Variants in STAC observed in about 807,000 individuals in gnomAD.
STAC encodes the protein SH3 and cysteine-rich domain-containing protein.
A neutral mutation model predicts 48.8 loss-of-function variants in STAC; 43 were observed. That is an observed-to-expected ratio of 0.88 (90% CI 0.69 to 1.14). The LOEUF (loss-of-function observed/expected upper bound fraction) is 1.14, where lower values mean the gene tolerates loss of function less well. Ranked by LOEUF, STAC falls within the 50% of genes most tolerant of loss-of-function variation. The pLI is 0.00. For missense variants in STAC, 497 were observed against 504.0 expected, an observed-to-expected ratio of 0.99 and a Z score of 0.13; for synonymous variants, 193 against 179.5, an observed-to-expected ratio of 1.07 and a Z score of -0.60.
intron 2 of STAC, among the ~76,000 whole-genome samples, chr3:36,463,006 GA>G (rs561690720): frequency 1.3e-5 from 2 of 151,580 alleles, no homozygotes; most frequent in South Asian, 2.1e-4. Context: ...GCATTCCTGG[GA>G]AAAAAAACCT....
intron 7 of STAC, among the ~76,000 whole-genome samples, chr3:36,504,674 T>C (rs1044668601): frequency 1.3e-5 from 2 of 152,152 alleles, no homozygotes; most frequent in Non-Finnish European, 2.9e-5. Flanking sequence ...GCACCTTTTG[T>C]TTCTGTTATA....
At chr3:36,455,100 T>C (rs903282047) in intron 2 of STAC, among the ~76,000 whole-genome samples, 2 of 152,188 alleles carry the variant, frequency 1.3e-5, no homozygotes, top group African/African-American at 4.8e-5. Context: ...TTTAAGGTGG[T>C]CTTTTGTTAT....
chr3:36,386,661 A>C (rs9870276), intron 1 of STAC, among the ~76,000 whole-genome samples: 1,553 of 152,102 alleles, frequency 0.01, 28 homozygotes, highest in African/African-American at 0.036. Context: ...ATTCATTTTG[A>C]CTATGCCACT....
At chr3:36,510,292 AGTCAGGAAACAACAGATGCT>A (rs1329491516) in intron 8 of STAC, among the ~76,000 whole-genome samples, 2 of 152,208 alleles carry the variant, frequency 1.3e-5, no homozygotes, top group Non-Finnish European at 2.9e-5. Flanking sequence ...ATCATTAAAA[AGTCAGGAAACAACAGATGCT>A]GGAGAGGATG....
chr3:36,408,326 C>T (rs1252928943), intron 1 of STAC, among the ~76,000 whole-genome samples: 1 of 152,194 alleles, frequency 6.6e-6, no homozygotes, highest in African/African-American at 2.4e-5. Flanking sequence ...TCTTTCTGCT[C>T]ATCTCCTCCT....
intron 10 of STAC, among the ~76,000 whole-genome samples, chr3:36,544,470 A>T (rs368291878): frequency 3.3e-5 from 5 of 151,910 alleles, no homozygotes; most frequent in African/African-American, 1.2e-4. Context: ...GCACCCGGCC[A>T]GGTGTCTGCA....
At chr3:36,467,539 C>G (rs954216986) in intron 2 of STAC, among the ~76,000 whole-genome samples, 1 of 151,952 alleles carries the variant, frequency 6.6e-6, no homozygotes, top group African/African-American at 2.4e-5. Flanking sequence ...TTGGTCTGTT[C>G]AGAGGTTTTA....
intron 2 of STAC, among the ~76,000 whole-genome samples, chr3:36,482,762 CCT>C (rs1314728349): frequency 1.3e-5 from 2 of 152,068 alleles, no homozygotes; most frequent in Non-Finnish European, 2.9e-5. Flanking sequence ...GCTTAGAGTT[CCT>C]GGAGTAGTGA....
intron 2 of STAC, among the ~76,000 whole-genome samples, chr3:36,463,075 G>A (rs538727120): frequency 2.6e-5 from 4 of 152,122 alleles, no homozygotes; most frequent in African/African-American, 9.6e-5. Flanking sequence ...GCTAACATTG[G>A]ATTTAAAATT....
chr3:36,413,105 A>G (rs1700234539), intron 1 of STAC, among the ~76,000 whole-genome samples: 1 of 152,148 alleles, frequency 6.6e-6, no homozygotes, highest in Non-Finnish European at 1.5e-5. Flanking sequence ...CTATGTGGTC[A>G]ATTTTGGAAT....
chr3:36,426,486 T>C (rs1024059561), intron 1 of STAC, among the ~76,000 whole-genome samples: 2 of 152,224 alleles, frequency 1.3e-5, no homozygotes, highest in African/African-American at 4.8e-5. Flanking sequence ...CTGCAGTGGT[T>C]TGAAAATTAA....
chr3:36,463,915 T>C (rs1385522968), intron 2 of STAC, among the ~76,000 whole-genome samples: 1 of 152,108 alleles, frequency 6.6e-6, no homozygotes, highest in Non-Finnish European at 1.5e-5. Flanking sequence ...ATCCAGTCTA[T>C]CATTGTTGGA....
intron 1 of STAC, among the ~76,000 whole-genome samples, chr3:36,442,351 A>G (rs766028102): frequency 4.6e-5 from 7 of 152,248 alleles, no homozygotes; most frequent in Non-Finnish European, 7.3e-5. Flanking sequence ...TGGATATTCA[A>G]TTACAAAAAG....
At chr3:36,498,874 G>A (rs1375094345) in intron 6 of STAC, among the ~76,000 whole-genome samples, 4 of 152,118 alleles carry the variant, frequency 2.6e-5, no homozygotes, top group Admixed American at 1.3e-4. Context: ...ATACCTAGAC[G>A]TAGGTTGCTG....
chr3:36,415,005 T>C (rs745918723), intron 1 of STAC, among the ~76,000 whole-genome samples: 1 of 152,214 alleles, frequency 6.6e-6, no homozygotes, highest in African/African-American at 2.4e-5. Context: ...ACAGCAAATG[T>C]TGCTGTCTGA....
intron 6 of STAC, among the ~76,000 whole-genome samples, chr3:36,495,927 G>C (rs536631139): frequency 6.6e-6 from 1 of 152,314 alleles, no homozygotes; most frequent in East Asian, 1.9e-4. Flanking sequence ...ATATGAATCT[G>C]TGGTTCATAG....
intron 10 of STAC, among the ~76,000 whole-genome samples, chr3:36,538,788 A>T (rs937269080): frequency 6.6e-5 from 10 of 152,194 alleles, no homozygotes; most frequent in African/African-American, 1.9e-4. Context: ...GGCATTTTTT[A>T]AAATAATCTA....
chr3:36,430,883 A>G (rs1431181783), intron 1 of STAC, among the ~76,000 whole-genome samples: 1 of 152,122 alleles, frequency 6.6e-6, no homozygotes, highest in Admixed American at 6.5e-5. Context: ...ACTAGGGTAC[A>G]CCCTAATGAC....
intron 1 of STAC, among the ~76,000 whole-genome samples, chr3:36,428,230 A>C (rs1165862656): frequency 3.3e-5 from 5 of 152,210 alleles, no homozygotes; most frequent in African/African-American, 1.2e-4. Context: ...ATGTTAATTT[A>C]CTATGTTGTA....
Sources: gnomAD v4.1 joint callset for allele counts (sites outside exome capture counted in the v4.1 genomes callset) on GRCh38, gnomAD v4.1.1 for gene constraint, MANE v1.5 for transcripts, NCBI Gene and HGNC (gene_info 2026-07-23, HGNC 2026-07-21) for gene names.